The following SDK1 variants were observed in gnomAD, a reference collection of about 807,000 sequenced individuals.
The protein encoded by SDK1 is protein sidekick-1.
A neutral mutation model predicts 245.5 loss-of-function variants in SDK1; 157 were observed. The ratio of observed to expected loss-of-function variants is 0.64; its 90% CI spans 0.56 to 0.73. The LOEUF is 0.73. Ranked by LOEUF, SDK1 falls within the 30% of genes least tolerant of loss-of-function variation. The probability of loss-of-function intolerance (pLI) is 0.00; values close to 1 mark genes in which losing one functional copy is unlikely to be tolerated. For missense variants in SDK1, 3,583 were observed against 3,002.3 expected (o/e 1.19, Z -4.52); for synonymous variants, 1,647 against 1,278.5 (o/e 1.29, Z -6.15).
intron 1 of SDK1, among the ~76,000 whole-genome samples, chr7:3,410,578 C>CTTT (rs776277920): frequency 0.022 from 1,769 of 82,020 alleles, 81 homozygotes; most frequent in African/African-American, 0.06. Context: ...GAAATGATAT[C>CTTT]TTTTTTTTTT....
At chr7:4,133,127 C>T (rs543829464) in intron 28 of SDK1, among the ~76,000 whole-genome samples, 24 of 152,322 alleles carry the variant, frequency 1.6e-4, no homozygotes, top group African/African-American at 4.3e-4. Flanking sequence ...TGCTGCAGCA[C>T]TTGCACCCAA....
At chr7:4,090,059 T>A (rs556932119) in intron 22 of SDK1, among the ~76,000 whole-genome samples, 4 of 152,324 alleles carry the variant, frequency 2.6e-5, no homozygotes, top group South Asian at 4.1e-4. Context: ...TTGGCCAGAA[T>A]GTGGGGGAAG....
intron 5 of SDK1, among the ~76,000 whole-genome samples, chr7:3,940,594 G>C (rs969207003): frequency 1.3e-5 from 2 of 152,096 alleles, no homozygotes; most frequent in Non-Finnish European, 2.9e-5. Context: ...TGTAATCCCA[G>C]CACTTTGGGA....
chr7:3,536,394 A>G (rs1414918198), intron 1 of SDK1, among the ~76,000 whole-genome samples: 8 of 152,072 alleles, frequency 5.3e-5, no homozygotes, highest in Admixed American at 2.0e-4. Context: ...TAAAAAATCT[A>G]TGCATGGGGC....
chr7:3,880,757 G>T (rs986007091), intron 5 of SDK1, among the ~76,000 whole-genome samples: 1 of 152,064 alleles, frequency 6.6e-6, no homozygotes, highest in Non-Finnish European at 1.5e-5. Flanking sequence ...AACCAGACGG[G>T]CTGAGAGCAG....
chr7:3,972,253 G>A (rs1342213685), intron 12 of SDK1, among the ~76,000 whole-genome samples: 1 of 151,808 alleles, frequency 6.6e-6, no homozygotes, highest in Non-Finnish European at 1.5e-5. Flanking sequence ...CTATTTTTTT[G>A]TATTTTTAGT....
chr7:3,487,766 A>AG (rs1418189257), intron 1 of SDK1, among the ~76,000 whole-genome samples: 2 of 151,352 alleles, frequency 1.3e-5, no homozygotes, highest in Non-Finnish European at 3.0e-5. Flanking sequence ...AAAAAAAAAA[A>AG]AAAAAAAAAA....
At position 4,266,937 on chromosome 7, in the gene SDK1, T is replaced by C; in HGVS notation, c.*1553T>C. 1 of 985,396 alleles carries C rather than the reference T, an allele frequency of 1.0e-6. No homozygotes were observed. Among genetic ancestry groups the C allele is most frequent in the Non-Finnish European group, 1.2e-6 (1 of 829,884 alleles). 61.0% of individuals were successfully genotyped at this position (985,396 alleles called of 1,614,324 possible). A position where few individuals can be genotyped will look rare whatever the true frequency, so the allele number is the denominator to read the frequency against. ...CTGAGGGTAGGGGACAACTGAGCAGTATCTGACCAGTGCCACCCAGGAGCC... is the reference window on the plus strand; with the variant it reads ...CTGAGGGTAGGGGACAACTGAGCAGCATCTGACCAGTGCCACCCAGGAGCC... On this transcript the variant is annotated 3_prime_UTR_variant, in exon 45 of 45. Transcript: ENST00000404826.
chr7:4,192,812 TG>T (rs1783288354), intron 35 of SDK1, among the ~76,000 whole-genome samples: 1 of 151,920 alleles, frequency 6.6e-6, no homozygotes, highest in African/African-American at 2.4e-5. Flanking sequence ...ACGGCCAGTC[TG>T]GCTTCATCCA....
chr7:4,088,573 A>G (rs1381920920), intron 22 of SDK1, among the ~76,000 whole-genome samples: 3 of 151,632 alleles, frequency 2.0e-5, no homozygotes, highest in Non-Finnish European at 4.4e-5. Context: ...TTTTTAAAGC[A>G]TAAATAAATT....
intron 4 of SDK1, among the ~76,000 whole-genome samples, chr7:3,818,718 G>T (rs1779571045): frequency 6.6e-6 from 1 of 152,232 alleles, no homozygotes; most frequent in Admixed American, 6.5e-5. Flanking sequence ...CAGGCTGCTG[G>T]ATGGTTGGTT....
At chr7:4,223,857 C>T (rs185358045) in intron 40 of SDK1, among the ~76,000 whole-genome samples, 164 of 152,276 alleles carry the variant, frequency 1.1e-3, no homozygotes, top group African/African-American at 3.6e-3. Context: ...ATGACTTCCC[C>T]GCCATTGCAG....
chr7:3,379,414 G>T (rs1387921163), intron 1 of SDK1, among the ~76,000 whole-genome samples: 1 of 152,116 alleles, frequency 6.6e-6, no homozygotes, highest in Non-Finnish European at 1.5e-5. Flanking sequence ...TGTGACAATT[G>T]ACCTGAGATT....
intron 35 of SDK1, among the ~76,000 whole-genome samples, chr7:4,191,983 C>G (rs1376132491): frequency 6.6e-6 from 1 of 152,218 alleles, no homozygotes; most frequent in Non-Finnish European, 1.5e-5. Flanking sequence ...TCTCTCAAAC[C>G]CTCGCCCTGC....
intron 7 of SDK1, among the ~76,000 whole-genome samples, chr7:3,953,329 G>A (rs1348058550): frequency 2.0e-5 from 3 of 152,310 alleles, no homozygotes; most frequent in African/African-American, 4.8e-5. Context: ...GTGCAAACCT[G>A]TCGGTCCCTC....
At chr7:4,149,667 G>A (rs1314925076) in intron 30 of SDK1, among the ~76,000 whole-genome samples, 2 of 152,164 alleles carry the variant, frequency 1.3e-5, no homozygotes, top group Non-Finnish European at 2.9e-5. Flanking sequence ...ACCCCCAGCC[G>A]CTTCCCGGAG....
intron 1 of SDK1, among the ~76,000 whole-genome samples, chr7:3,472,225 C>A (rs1255259940): frequency 6.6e-6 from 1 of 152,102 alleles, no homozygotes; most frequent in Non-Finnish European, 1.5e-5. Context: ...CCATAGAATT[C>A]CATCTTTAGC....
intron 4 of SDK1, among the ~76,000 whole-genome samples, chr7:3,713,509 C>G (rs1785107987): frequency 6.6e-6 from 1 of 152,168 alleles, no homozygotes; most frequent in Non-Finnish European, 1.5e-5. Context: ...ATATGTCTCT[C>G]CCCCACCCGC....
chr7:3,846,803 T>G (rs190327515), intron 5 of SDK1, among the ~76,000 whole-genome samples: 2 of 152,128 alleles, frequency 1.3e-5, no homozygotes, highest in Admixed American at 1.3e-4. Context: ...GGAGATCCCC[T>G]TCTCCTCCCG....
Sources: gnomAD v4.1 joint callset for allele counts (sites outside exome capture counted in the v4.1 genomes callset) on GRCh38, gnomAD v4.1.1 for gene constraint, MANE v1.5 for transcripts, NCBI Gene and HGNC (gene_info 2026-07-23, HGNC 2026-07-21) for gene names.